Variants in KCNN2 observed in about 807,000 individuals in gnomAD.
The protein encoded by KCNN2 is potassium calcium-activated channel subfamily N member 2.
In KCNN2, 24 loss-of-function variants were observed where a neutral mutation model predicts 55.5. That is an observed-to-expected ratio of 0.43 (90% CI 0.31 to 0.61). The LOEUF (loss-of-function observed/expected upper bound fraction) is 0.61. Ranked by LOEUF, KCNN2 falls within the 20% of genes least tolerant of loss-of-function variation. The pLI is 0.08. For synonymous variants in KCNN2, 431 were observed against 336.1 expected (o/e 1.28, Z -3.09); for missense variants, 754 against 853.6 (o/e 0.88, Z 1.45).
chr5:114,142,914 C>G (rs1474852523), intron 1 of KCNN2, among the ~76,000 whole-genome samples: 1 of 152,168 alleles, frequency 6.6e-6, no homozygotes, highest in African/African-American at 2.4e-5. Flanking sequence ...ACAAGACAAT[C>G]CTAAGCCAAA....
At chr5:114,330,623 A>C (rs1360254569) in intron 2 of KCNN2, among the ~76,000 whole-genome samples, 3 of 60,562 alleles carry the variant, frequency 5.0e-5, no homozygotes, top group African/African-American at 1.6e-4. Context: ...TCATACCTCC[A>C]AGCCTCCTGT....
chr5:114,243,453 T>C (rs1031285689), intron 2 of KCNN2, among the ~76,000 whole-genome samples: 3 of 148,580 alleles, frequency 2.0e-5, no homozygotes, highest in African/African-American at 7.5e-5. Flanking sequence ...TCTGGCCCCA[T>C]CTTGCCCCGT....
intron 2 of KCNN2, among the ~76,000 whole-genome samples, chr5:114,332,051 T>G (rs1284911167): frequency 6.6e-6 from 1 of 152,210 alleles, no homozygotes; most frequent in East Asian, 1.9e-4. Flanking sequence ...ATGTGAATTA[T>G]TTGAGACTTC....
At chr5:114,461,464 G>C (rs968978608) in intron 3 of KCNN2, among the ~76,000 whole-genome samples, 2 of 152,096 alleles carry the variant, frequency 1.3e-5, no homozygotes, top group Non-Finnish European at 2.9e-5. Flanking sequence ...GATTCCAGGA[G>C]ATCAGTGATT....
At chr5:114,209,055 C>A (rs1229357489) in intron 1 of KCNN2, among the ~76,000 whole-genome samples, 1 of 135,372 alleles carries the variant, frequency 7.4e-6, no homozygotes, top group African/African-American at 2.6e-5. Context: ...CTGTTGGTGA[C>A]TTCTGCCTTT....
At chr5:114,280,440 T>C (rs928204312) in intron 2 of KCNN2, among the ~76,000 whole-genome samples, 1 of 152,128 alleles carries the variant, frequency 6.6e-6, no homozygotes, top group Non-Finnish European at 1.5e-5. Context: ...TTAGGTCTAA[T>C]ATTTAAGTCT....
chr5:114,483,219 A>C (rs1762304011), intron 5 of KCNN2, among the ~76,000 whole-genome samples: 2 of 151,674 alleles, frequency 1.3e-5, no homozygotes, highest in Admixed American at 6.6e-5. Flanking sequence ...GTTTTTAAGG[A>C]ATCTGGGTAA....
At chr5:114,494,467 A>C (rs1214528544) in intron 7 of KCNN2, among the ~76,000 whole-genome samples, 1 of 151,348 alleles carries the variant, frequency 6.6e-6, no homozygotes, top group Non-Finnish European at 1.5e-5. Context: ...TATAAACTGG[A>C]CAGCACACAT....
At chr5:114,107,116 T>TA (rs1751503805) in intron 1 of KCNN2, among the ~76,000 whole-genome samples, 1 of 152,110 alleles carries the variant, frequency 6.6e-6, no homozygotes, top group South Asian at 2.1e-4. Context: ...CTCATATGAT[T>TA]ATCCAATTAA....
intron 3 of KCNN2, among the ~76,000 whole-genome samples, chr5:114,448,121 A>G (rs1317667734): frequency 2.0e-5 from 3 of 152,226 alleles, no homozygotes; most frequent in Non-Finnish European, 4.4e-5. Context: ...ATATGTTTAC[A>G]AAATTTTACT....
At chr5:114,076,307 A>C (rs543678017) in intron 1 of KCNN2, among the ~76,000 whole-genome samples, 1 of 152,334 alleles carries the variant, frequency 6.6e-6, no homozygotes, top group Non-Finnish European at 1.5e-5. Flanking sequence ...CCTTCTTGGT[A>C]TCTACCAGAG....
At chr5:114,401,804 G>T (rs756634686) in intron 2 of KCNN2, among the ~76,000 whole-genome samples, 1 of 152,206 alleles carries the variant, frequency 6.6e-6, no homozygotes, top group Non-Finnish European at 1.5e-5. Flanking sequence ...TCCAACTATA[G>T]GGAGATGTAA....
At chr5:114,305,707 A>G (rs2150024109) in intron 2 of KCNN2, among the ~76,000 whole-genome samples, 1 of 152,304 alleles carries the variant, frequency 6.6e-6, no homozygotes, top group East Asian at 1.9e-4. Context: ...TGCTAGTTGC[A>G]CAGTAGGAAC....
chr5:114,118,001 C>T (rs991569652), intron 1 of KCNN2, among the ~76,000 whole-genome samples: 6 of 152,098 alleles, frequency 3.9e-5, no homozygotes, highest in Non-Finnish European at 8.8e-5. Flanking sequence ...GTACATCAAA[C>T]AGATATAGCT....
At chr5:114,236,966 T>A (rs1429338892) in intron 2 of KCNN2, among the ~76,000 whole-genome samples, 1 of 152,112 alleles carries the variant, frequency 6.6e-6, no homozygotes, top group East Asian at 1.9e-4. Context: ...ATATACCACA[T>A]CATAGTCATC....
rs1756656338 is a variant in KCNN2, at chr5:114,323,649, A to ATTTTTTTTTGTTTTTTTTTTTTTTT, written c.-184-37287_-184-37286insGTTTTTTTTTTTTTTTTTTTTTTTT. Among the ~76,000 whole-genome samples the ATTTTTTTTTGTTTTTTTTTTTTTTT allele has an allele frequency of 2.3e-5, 2 of 85,318 alleles. 1 individual carries two copies. The highest frequency in any genetic ancestry group is 4.5e-5 in the Non-Finnish European group (2 of 44,052). 56.0% of individuals were successfully genotyped at this position (85,318 alleles called of 152,430 possible). ...TAAGTATCATGATATAAACATATCA[A>ATTTTTTTTTGTTTTTTTTTTTTTTT]TTTTTTTTTTTTTTTTTTGCTGGTC... On this transcript the variant is annotated intron_variant, in intron 2 of 10. Coordinates refer to the KCNN2 transcript ENST00000512097.
At chr5:114,255,174 A>G (rs1052990726) in intron 2 of KCNN2, among the ~76,000 whole-genome samples, 3 of 152,330 alleles carry the variant, frequency 2.0e-5, no homozygotes, top group Admixed American at 6.5e-5. Flanking sequence ...AAAGAGAAAA[A>G]TGCCAGATGT....
chr5:114,461,596 A>G (rs938258750), intron 3 of KCNN2, among the ~76,000 whole-genome samples: 1 of 152,222 alleles, frequency 6.6e-6, no homozygotes, highest in Admixed American at 6.5e-5. Context: ...CAAATGTGAT[A>G]AGAATGGGTC....
intron 2 of KCNN2, among the ~76,000 whole-genome samples, chr5:114,387,410 G>A (rs1758319691): frequency 6.6e-6 from 1 of 152,198 alleles, no homozygotes; most frequent in Non-Finnish European, 1.5e-5. Flanking sequence ...ATTAAACACT[G>A]AGCTACAGCT....
Sources: allele counts gnomAD v4.1 joint callset (sites outside exome capture counted in the v4.1 genomes callset), GRCh38; gene constraint gnomAD v4.1.1; transcripts MANE v1.5; gene names NCBI Gene and HGNC (gene_info 2026-07-23, HGNC 2026-07-21).